Variants in LIMCH1 observed in about 807,000 individuals in gnomAD.
LIMCH1 encodes the protein LIM and calponin homology domains-containing protein 1.
In LIMCH1, 113 loss-of-function variants were observed where a neutral mutation model predicts 176.5. The observed-to-expected ratio is 0.64, with a 90% CI of 0.55 to 0.75. LIMCH1 has a LOEUF of 0.75. LIMCH1 is among the 30% of genes least tolerant of loss of function. The pLI is 0.00. For synonymous variants in LIMCH1, 619 were observed against 645.9 expected (o/e 0.96, Z 0.63); for missense variants, 1,674 against 1,814.9 (o/e 0.92, Z 1.41).
intron 1 of LIMCH1, among the ~76,000 whole-genome samples, chr4:41,539,332 G>T (rs2078328429): frequency 6.6e-6 from 1 of 152,158 alleles, no homozygotes; most frequent in Non-Finnish European, 1.5e-5. Flanking sequence ...GAAGGGGTTT[G>T]TCCTGTGCTG....
intron 1 of LIMCH1, among the ~76,000 whole-genome samples, chr4:41,403,992 T>A (rs768008350): frequency 1.3e-5 from 2 of 152,170 alleles, no homozygotes; most frequent in African/African-American, 2.4e-5. Flanking sequence ...TGAGAAGTGT[T>A]TGATGTGAGG....
At chr4:41,649,677 T>A (rs1174309141) in intron 17 of LIMCH1, among the ~76,000 whole-genome samples, 1 of 152,226 alleles carries the variant, frequency 6.6e-6, no homozygotes, top group Non-Finnish European at 1.5e-5. Flanking sequence ...CTCTACTTTC[T>A]GCCTCAAATT....
At chr4:41,613,219 G>T in intron 4 of LIMCH1, 1 of 953,880 alleles carries the variant, frequency 1.0e-6, no homozygotes, top group Non-Finnish European at 1.6e-6. Flanking sequence ...TAGGGAATAT[G>T]AGTTATTTGG....
At position 41,633,532 on chromosome 4, in the gene LIMCH1, C is replaced by A; in HGVS notation, c.1830-16C>A. On this transcript the variant is annotated splice_polypyrimidine_tract_variant and intron_variant, in intron 12 of 31. Coordinates refer to ENST00000503057, the MANE Select transcript of LIMCH1 (RefSeq NM_001330672.2). Reference sequence around the variant, plus strand: ...AGTAAGTGGCCTTTGACTGGCTGGACTGAATGTTGCCCTAGGGTGTGTCCT... The same window carrying A: ...AGTAAGTGGCCTTTGACTGGCTGGAATGAATGTTGCCCTAGGGTGTGTCCT... 6.5e-7 allele frequency: 1 copy of A among 1,533,838 alleles called. No individual in the cohort carries two copies. Among genetic ancestry groups the A allele is most frequent in the Non-Finnish European group, 8.7e-7 (1 of 1,145,332 alleles).
At chr4:41,537,465 G>A (rs1039988630), upstream of LIMCH1, among the ~76,000 whole-genome samples, 2 of 152,150 alleles carry the variant, frequency 1.3e-5, no homozygotes, top group African/African-American at 2.4e-5. Flanking sequence ...TACCAGCAGA[G>A]GACTGTAAAC....
intron 1 of LIMCH1, among the ~76,000 whole-genome samples, chr4:41,425,232 A>G (rs2060966687): frequency 6.6e-6 from 1 of 152,182 alleles, no homozygotes; most frequent in Non-Finnish European, 1.5e-5. Context: ...ATGACTTCTA[A>G]TGGCTTCATG....
At position 41,360,814 on chromosome 4, in the gene LIMCH1, C is replaced by T. The variant is rs1223879090; in HGVS notation, c.-27C>T. On this transcript the variant is annotated 5_prime_UTR_variant, in exon 1 of 27. Coordinates refer to the LIMCH1 transcript ENST00000313860. The surrounding 1 kb of genome is among the most constrained non-coding windows in gnomAD (Gnocchi z 4.5). ...ACGGCGGCGGCCGTCCTCATCCCGG[C>T]GCTTGAGAGGACGCGGGGCTGCGCA... 3 of 1,510,336 alleles carry T rather than the reference C, an allele frequency of 2.0e-6. No individual in the cohort carries two copies. The allele number at this position is 1,510,336 out of a possible 1,614,324, so 93.6% of individuals were successfully genotyped here. A position where few individuals can be genotyped will look rare whatever the true frequency, so the allele number is the denominator to read the frequency against.
At chr4:41,651,250 C>T (rs1200085395) in intron 18 of LIMCH1, among the ~76,000 whole-genome samples, 2 of 152,082 alleles carry the variant, frequency 1.3e-5, no homozygotes, top group Non-Finnish European at 2.9e-5. Context: ...AGTGATCCAC[C>T]CACCTCAGCC....
intron 2 of LIMCH1, among the ~76,000 whole-genome samples, chr4:41,600,963 T>C (rs1355427033): frequency 1.3e-5 from 2 of 152,174 alleles, no homozygotes; most frequent in African/African-American, 4.8e-5. Context: ...TCCTTCTGCC[T>C]TCCCTCCCTT....
At chr4:41,556,606 C>T (rs1303592257) in intron 1 of LIMCH1, among the ~76,000 whole-genome samples, 1 of 151,956 alleles carries the variant, frequency 6.6e-6, no homozygotes, top group African/African-American at 2.4e-5. Context: ...TTACGCCTCC[C>T]CATCTACAGT....
At chr4:41,399,923 T>G (rs2058225880) in intron 1 of LIMCH1, among the ~76,000 whole-genome samples, 1 of 149,742 alleles carries the variant, frequency 6.7e-6, no homozygotes, top group South Asian at 2.1e-4. Context: ...ACCTCGTGAT[T>G]CGCCCACCTC....
intron 20 of LIMCH1, among the ~76,000 whole-genome samples, chr4:41,664,163 G>A (rs574148035): frequency 4.4e-4 from 67 of 152,138 alleles, no homozygotes; most frequent in Non-Finnish European, 8.1e-4. Context: ...CCACCACTAC[G>A]GACTTGCACA....
At chr4:41,678,010 C>T (rs181039264) in intron 23 of LIMCH1, among the ~76,000 whole-genome samples, 3 of 151,960 alleles carry the variant, frequency 2.0e-5, no homozygotes, top group Middle Eastern at 3.2e-3. Flanking sequence ...TAGGTATACA[C>T]GTGTCATGGT....
chr4:41,504,653 GTGTA>G (rs891034541), intron 2 of LIMCH1, among the ~76,000 whole-genome samples: 3 of 152,196 alleles, frequency 2.0e-5, no homozygotes, highest in Non-Finnish European at 4.4e-5. Context: ...GTTTCAGTGA[GTGTA>G]TGACTGTGTT....
chr4:41,688,139 G>A (rs956029689), intron 29 of LIMCH1, among the ~76,000 whole-genome samples: 8 of 152,298 alleles, frequency 5.3e-5, no homozygotes, highest in Admixed American at 1.3e-4. Context: ...CATTGGTGCC[G>A]CTATGGCCAT....
At chr4:41,541,536 G>A (rs894165668) in intron 1 of LIMCH1, among the ~76,000 whole-genome samples, 1 of 152,158 alleles carries the variant, frequency 6.6e-6, no homozygotes, top group South Asian at 2.1e-4. Flanking sequence ...CCTTCACACC[G>A]TTTCCTCACC....
intron 1 of LIMCH1, among the ~76,000 whole-genome samples, chr4:41,479,232 A>G (rs2068185851): frequency 6.6e-6 from 1 of 152,158 alleles, no homozygotes; most frequent in African/African-American, 2.4e-5. Flanking sequence ...CCATTCCTTT[A>G]TATAACCACC....
chr4:41,481,190 TAA>T, intron 1 of LIMCH1, among the ~76,000 whole-genome samples: 1 of 152,194 alleles, frequency 6.6e-6, no homozygotes, highest in Non-Finnish European at 1.5e-5. Context: ...TAATGTTGAT[TAA>T]ATAACCTCAG....
rs534971819 is a variant in LIMCH1, at chr4:41,681,926, C to T, written c.3718-407C>T. Among the ~76,000 whole-genome samples, 5 of 152,292 alleles carry T rather than the reference C, an allele frequency of 3.3e-5. No individual in the cohort carries two copies. The East Asian group carries it at 5.8e-4, about 18-fold the overall frequency. ...GTTGTCTTTGAAGGCCAGAGAGAGCCTATAAAGTCTGGTCTGCCTCCACAT... is the reference window on the plus strand; with the variant it reads ...GTTGTCTTTGAAGGCCAGAGAGAGCTTATAAAGTCTGGTCTGCCTCCACAT... On this transcript the variant is annotated intron_variant, in intron 25 of 31. Transcript: ENST00000503057.
Sources: allele counts gnomAD v4.1 joint callset (sites outside exome capture counted in the v4.1 genomes callset), GRCh38; gene constraint gnomAD v4.1.1; non-coding constraint Gnocchi (gnomAD v3.1); transcripts MANE v1.5; gene names NCBI Gene and HGNC (gene_info 2026-07-23, HGNC 2026-07-21).